The following TNKS2 variants were observed in gnomAD, a reference collection of about 807,000 sequenced individuals.
The protein encoded by TNKS2 is poly [ADP-ribose] polymerase tankyrase-2.
A neutral mutation model predicts 137.6 loss-of-function variants in TNKS2; 72 were observed. The ratio of observed to expected loss-of-function variants is 0.52; its 90% CI spans 0.43 to 0.64. The LOEUF is 0.64. TNKS2 is among the 30% of genes least tolerant of loss of function. The pLI is 0.00. For missense variants in TNKS2, 1,049 were observed against 1,410.2 expected (o/e 0.74, Z 4.10); for synonymous variants, 516 against 512.1 (o/e 1.01, Z -0.10).
At chr10:91,859,753 A>AAAACAT in intron 25 of TNKS2, 105 bp downstream of exon 25, 2 of 884,594 alleles carry the variant, frequency 2.3e-6, no homozygotes, top group Non-Finnish European at 3.4e-6. Context: ...AATGCAAGCT[A>AAAACAT]GGCATGTTTT....
In TNKS2 at chr10:91,861,984, C is replaced by T; in HGVS notation, c.3282-15C>T. 1 of 1,594,528 alleles carries T rather than the reference C, an allele frequency of 6.3e-7. No individual in the cohort carries two copies. Among genetic ancestry groups the T allele is most frequent in the Non-Finnish European group, 8.5e-7 (1 of 1,170,260 alleles). The stretch of plus-strand genomic sequence containing the variant: ...AATTTGACTTCAGGGTGATCTTTTC[C>T]TTTTCGTTTTATAGGCAGCTGCTCT... On this transcript the variant is annotated splice_polypyrimidine_tract_variant and intron_variant, in intron 25 of 26. Coordinates refer to ENST00000371627, the MANE Select transcript of TNKS2 (RefSeq NM_025235.4).
At chr10:91,861,957 CAA>C in intron 25 of TNKS2, 40 bp from the exon 26 acceptor site, 1 of 1,548,494 alleles carries the variant, frequency 6.5e-7, no homozygotes, top group South Asian at 1.2e-5. Flanking sequence ...ATTTATGTAT[CAA>C]ATTTGACTTC....
Position 91,864,620 on chromosome 10 carries a change from G to T in TNKS2, c.*1621G>T, listed in dbSNP as rs1425731492. Reference sequence around the variant, plus strand: ...GTTAATCAGAGTAAATGCATTTCTGGAGTTGTTTCTGTGATGTAAATTATG... The same window carrying T: ...GTTAATCAGAGTAAATGCATTTCTGTAGTTGTTTCTGTGATGTAAATTATG... On this transcript the variant is annotated 3_prime_UTR_variant, in exon 27 of 27. Transcript: ENST00000371627. 1 of 152,562 alleles carries T rather than the reference G, an allele frequency of 6.6e-6. No individual in the cohort carries two copies. Among genetic ancestry groups the T allele is most frequent in the Admixed American group, 6.6e-5 (1 of 15,260 alleles). The allele number at this position is 152,562 out of a possible 1,614,324, so 9.5% of individuals were successfully genotyped here.
At chr10:91,820,087 C>T (rs766540827) in intron 6 of TNKS2, 54 bp downstream of exon 6, 6 of 1,163,604 alleles carry the variant, frequency 5.2e-6, no homozygotes, top group Non-Finnish European at 7.3e-6. Flanking sequence ...CTTCTTAAAA[C>T]AATCTTTGTA....
chr10:91,856,885 G>T (rs1021273771), intron 23 of TNKS2, among the ~76,000 whole-genome samples: 3 of 151,786 alleles, frequency 2.0e-5, no homozygotes, highest in Admixed American at 2.0e-4. Flanking sequence ...TGTGAATTTT[G>T]TTCCTAGAAA....
At chr10:91,857,821 TTG>T (rs1842752131) in intron 24 of TNKS2, among the ~76,000 whole-genome samples, 2 of 152,208 alleles carry the variant, frequency 1.3e-5, no homozygotes, top group South Asian at 4.1e-4. Flanking sequence ...CTAGGAAATT[TTG>T]TGTTTTCCAT....
chr10:91,801,890 G>T (rs865815796), intron 1 of TNKS2, among the ~76,000 whole-genome samples: 5 of 152,130 alleles, frequency 3.3e-5, no homozygotes, highest in Admixed American at 1.3e-4. Context: ...TAATGCCCTA[G>T]AAAACAGCAA....
chr10:91,856,132 C>T (rs1736270734), intron 23 of TNKS2, among the ~76,000 whole-genome samples: 1 of 152,030 alleles, frequency 6.6e-6, no homozygotes, highest in Non-Finnish European at 1.5e-5. Flanking sequence ...ATAGTACTCT[C>T]TTCATCTTTT....
intron 22 of TNKS2, 32 bp from the exon 23 acceptor site, chr10:91,855,582 T>C (rs1589694694): frequency 2.6e-6 from 4 of 1,539,758 alleles, no homozygotes; most frequent in Non-Finnish European, 2.7e-6. Context: ...CAAATGCTAA[T>C]GCACATATAT....
intron 26 of TNKS2, 51 bp from the exon 27 acceptor site, chr10:91,862,886 T>C (rs759914617): frequency 7.3e-7 from 1 of 1,366,438 alleles, no homozygotes; most frequent in Non-Finnish European, 1.0e-6. Flanking sequence ...AGTCTGTTTA[T>C]CTTTCAAGAA....
intron 1 of TNKS2, among the ~76,000 whole-genome samples, chr10:91,810,662 C>T (rs1001880462): frequency 6.6e-6 from 1 of 151,366 alleles, no homozygotes; most frequent in Non-Finnish European, 1.5e-5. Context: ...GCCACAACGC[C>T]CAGCTAATTT....
In TNKS2 at chr10:91,863,532, T is replaced by G; in HGVS notation, c.*533T>G. On this transcript the variant is annotated 3_prime_UTR_variant, in exon 27 of 27. Coordinates refer to ENST00000371627, the MANE Select transcript of TNKS2 (RefSeq NM_025235.4). ...ATCTATACTTCATCTTACATCGTCA[T>G]GATTGAGTGATCTTTACATTTGATT... 1 of 152,718 alleles carries G rather than the reference T, an allele frequency of 6.5e-6. No individual in the cohort carries two copies. The allele number at this position is 152,718 out of a possible 1,614,324, so 9.5% of individuals were successfully genotyped here. A position where few individuals can be genotyped will look rare whatever the true frequency, so the allele number is the denominator to read the frequency against.
chr10:91,839,656 C>T (rs867496438), intron 13 of TNKS2, among the ~76,000 whole-genome samples: 1 of 152,196 alleles, frequency 6.6e-6, no homozygotes, highest in Non-Finnish European at 1.5e-5. Context: ...GAACCACCAG[C>T]ATCAGCATCA....
chr10:91,813,289 A>G, intron 2 of TNKS2, 82 bp downstream of exon 2: 3 of 1,139,830 alleles, frequency 2.6e-6, no homozygotes, highest in Non-Finnish European at 3.8e-6. Context: ...CATATCATCA[A>G]ATTATGTCAA....
chr10:91,819,221 T>A (rs988539609), intron 3 of TNKS2, 49 bp from the exon 4 acceptor site: 2 of 1,159,492 alleles, frequency 1.7e-6, no homozygotes, highest in Non-Finnish European at 2.4e-6. Context: ...ATAAAACTCA[T>A]TAATTTTTCT....
intron 2 of TNKS2, among the ~76,000 whole-genome samples, chr10:91,815,426 A>G (rs1440628644): frequency 6.6e-6 from 1 of 151,986 alleles, no homozygotes; most frequent in African/African-American, 2.4e-5. Flanking sequence ...ACATAACCCA[A>G]CTCTGGTACC....
At chr10:91,810,511 T>C (rs572247494) in intron 1 of TNKS2, among the ~76,000 whole-genome samples, 1 of 152,038 alleles carries the variant, frequency 6.6e-6, no homozygotes, top group Non-Finnish European at 1.5e-5. Context: ...TTGTTTTGTT[T>C]TGTTTTTTTG....
At position 91,851,312 on chromosome 10, in the gene TNKS2, G is replaced by A. The variant is rs759260364; in HGVS notation, c.2791G>A (p.Glu931Lys). 4 of 1,607,888 alleles carry A rather than the reference G, an allele frequency of 2.5e-6. No homozygotes were observed. The highest frequency in any genetic ancestry group is 2.2e-5 in the South Asian group (2 of 89,142). ...TAGGCACAAACTAATTAAAGGAGTCGAGAGACTTATCTCCGGACAACAAGG... is the reference window on the plus strand; with the variant it reads ...TAGGCACAAACTAATTAAAGGAGTCAAGAGACTTATCTCCGGACAACAAGG... The part of the protein sequence containing the change: ...GHRHKLIKGV[E>K]RLISGQQGLN... The change falls in exon 21 of 27, where the codon GAG becomes AAG. Residue 931 changes from glutamate to lysine, a missense_variant. Physicochemically the swap from Glu to Lys is moderately conservative, Grantham distance 56. Coordinates refer to ENST00000371627, the MANE Select transcript of TNKS2 (RefSeq NM_025235.4).
intron 13 of TNKS2, among the ~76,000 whole-genome samples, chr10:91,838,418 G>A (rs1461217985): frequency 6.6e-6 from 1 of 152,154 alleles, no homozygotes; most frequent in Non-Finnish European, 1.5e-5. Context: ...AAGAACATCT[G>A]CGTATTACCT....
Sources: allele counts gnomAD v4.1 joint callset (sites outside exome capture counted in the v4.1 genomes callset), GRCh38; gene constraint gnomAD v4.1.1; transcripts MANE v1.5; gene names NCBI Gene and HGNC (gene_info 2026-07-23, HGNC 2026-07-21).